Variants in FAM151B observed in about 807,000 individuals in gnomAD.
FAM151B encodes the protein protein FAM151B.
Under a neutral mutation model 31.2 loss-of-function variants are expected in FAM151B, and 24 were observed. That is an observed-to-expected ratio of 0.77 (90% confidence interval 0.56 to 1.08). The LOEUF is 1.08. Among genes scored for constraint, FAM151B ranks in the 50% least tolerant of loss-of-function variants. The pLI is 0.00. For missense variants in FAM151B, 293 were observed against 328.6 expected (o/e 0.89, Z 0.84); for synonymous variants, 105 against 111.4 (o/e 0.94, Z 0.36).
intron 1 of FAM151B, among the ~76,000 whole-genome samples, chr5:80,489,900 A>G (rs973546514): frequency 2.6e-5 from 4 of 152,080 alleles, no homozygotes; most frequent in African/African-American, 4.8e-5. Flanking sequence ...CTCCAGCCTG[A>G]GCAACAGAGA....
At chr5:80,520,514 G>A (rs1014724142) in intron 4 of FAM151B, among the ~76,000 whole-genome samples, 7 of 151,618 alleles carry the variant, frequency 4.6e-5, no homozygotes, top group Non-Finnish European at 5.9e-5. Flanking sequence ...GCATGGTAGT[G>A]TGTGCCTGTA....
At position 80,524,004 on chromosome 5, in the gene FAM151B, T is replaced by C. The variant is rs534409614; in HGVS notation, c.671+1866T>C. Among the ~76,000 whole-genome samples the C allele has an allele frequency of 1.1e-4, 16 of 152,282 alleles. No homozygotes were observed. The East Asian group carries it at 2.9e-3, about 27-fold the overall frequency. On this transcript the variant is annotated intron_variant, in intron 5 of 5. Coordinates refer to ENST00000282226, the MANE Select transcript of FAM151B (RefSeq NM_205548.3). ...CTCTAGGTTTGTTTGTTTTCATTAGTGTCAGGGAAGTGCACTGAAATCAAA... is the reference window on the plus strand; with the variant it reads ...CTCTAGGTTTGTTTGTTTTCATTAGCGTCAGGGAAGTGCACTGAAATCAAA...
chr5:80,520,957 C>T (rs571049056), intron 4 of FAM151B, among the ~76,000 whole-genome samples: 1 of 149,948 alleles, frequency 6.7e-6, no homozygotes, highest in Non-Finnish European at 1.5e-5. Flanking sequence ...GCTGGGATTA[C>T]AGGCGCCACC....
intron 5 of FAM151B, among the ~76,000 whole-genome samples, chr5:80,527,151 A>G (rs1745007477): frequency 6.6e-6 from 1 of 152,184 alleles, no homozygotes; most frequent in South Asian, 2.1e-4. Context: ...ATCCAGGCAC[A>G]GTGGCTCAGG....
chr5:80,504,715 T>C (rs766167520), intron 2 of FAM151B, among the ~76,000 whole-genome samples: 1 of 152,066 alleles, frequency 6.6e-6, no homozygotes, highest in African/African-American at 2.4e-5. Context: ...AGATGGGGTT[T>C]CACCATGTTG....
At chr5:80,497,066 C>T (rs1180653699) in intron 1 of FAM151B, among the ~76,000 whole-genome samples, 1 of 151,914 alleles carries the variant, frequency 6.6e-6, no homozygotes, top group South Asian at 2.1e-4. Flanking sequence ...CCACCTCGAC[C>T]TCCCAAAGTG....
intron 1 of FAM151B, among the ~76,000 whole-genome samples, chr5:80,492,221 G>T (rs1274111216): frequency 6.6e-6 from 1 of 151,736 alleles, no homozygotes; most frequent in East Asian, 1.9e-4. Flanking sequence ...CTTGTATTGA[G>T]CAAGTCTGTT....
intron 5 of FAM151B, among the ~76,000 whole-genome samples, chr5:80,535,667 A>G (rs1255700426): frequency 6.6e-6 from 1 of 152,236 alleles, no homozygotes; most frequent in African/African-American, 2.4e-5. Context: ...ACCCTTGAAG[A>G]CATTGGTCTT....
At chr5:80,512,287 T>A (rs1386688280) in intron 2 of FAM151B, among the ~76,000 whole-genome samples, 1 of 152,244 alleles carries the variant, frequency 6.6e-6, no homozygotes, top group Non-Finnish European at 1.5e-5. Context: ...CATCAAGTTA[T>A]TTCAGATGAC....
chr5:80,528,311 A>C (rs1745063519), intron 5 of FAM151B, among the ~76,000 whole-genome samples: 1 of 152,204 alleles, frequency 6.6e-6, no homozygotes, highest in Non-Finnish European at 1.5e-5. Context: ...GAAGGAAGGC[A>C]AGACCACAAA....
At chr5:80,528,385 A>G (rs982903673) in intron 5 of FAM151B, among the ~76,000 whole-genome samples, 1 of 152,160 alleles carries the variant, frequency 6.6e-6, no homozygotes, top group African/African-American at 2.4e-5. Flanking sequence ...CATTGAATGT[A>G]AGTGACCTAA....
chr5:80,514,960 C>T (rs1209572340), intron 3 of FAM151B, among the ~76,000 whole-genome samples: 1 of 151,710 alleles, frequency 6.6e-6, no homozygotes, highest in African/African-American at 2.4e-5. Context: ...TTTTTTTCGA[C>T]CGGGCACGGT....
Position 80,541,844 on chromosome 5 carries a change from T to G in FAM151B, c.*12T>G, listed in dbSNP as rs759821618. ...AAGTTAATCTCTAAGAAGAAGATTCTCAATTATTTCCTGTGTTTTGGTTTC... is the reference window on the plus strand; with the variant it reads ...AAGTTAATCTCTAAGAAGAAGATTCGCAATTATTTCCTGTGTTTTGGTTTC... On this transcript the variant is annotated 3_prime_UTR_variant, in exon 6 of 6. Transcript: ENST00000282226. 6 of 1,606,624 alleles carry G rather than the reference T, an allele frequency of 3.7e-6. No homozygotes were observed. Among genetic ancestry groups the G allele is most frequent in the Non-Finnish European group, 2.5e-6 (3 of 1,176,968 alleles).
chr5:80,528,307 A>G (rs983212535), intron 5 of FAM151B, among the ~76,000 whole-genome samples: 3 of 152,164 alleles, frequency 2.0e-5, no homozygotes, highest in African/African-American at 7.2e-5. Flanking sequence ...AAAAGAAGGA[A>G]GGCAAGACCA....
At chr5:80,532,699 A>G (rs1745299012) in intron 5 of FAM151B, among the ~76,000 whole-genome samples, 1 of 152,200 alleles carries the variant, frequency 6.6e-6, no homozygotes, top group Non-Finnish European at 1.5e-5. Flanking sequence ...CAAAATACAC[A>G]TTCTTTTTCT....
At chr5:80,524,579 A>G (rs1364992460) in intron 5 of FAM151B, among the ~76,000 whole-genome samples, 1 of 152,148 alleles carries the variant, frequency 6.6e-6, no homozygotes, top group Admixed American at 6.6e-5. Context: ...AAAAAACTAC[A>G]GAACATTATC....
chr5:80,502,119 C>CAAAGAGAAAACAA (rs1743772052), intron 2 of FAM151B, among the ~76,000 whole-genome samples: 1 of 151,718 alleles, frequency 6.6e-6, no homozygotes, highest in Non-Finnish European at 1.5e-5. Flanking sequence ...CTCTGTTGCC[C>CAAAGAGAAAACAA]AGGCTGGAAA....
rs73769115 is a variant in FAM151B at position 80,498,638 on chromosome 5, T to A, written c.26-3154T>A. Reference sequence around the variant, plus strand: ...CTCCAGCACCATCTGAATGGCACTCTCGACAAAGGTGTCTAATTTTGCCAT... The same window carrying A: ...CTCCAGCACCATCTGAATGGCACTCACGACAAAGGTGTCTAATTTTGCCAT... On this transcript the variant is annotated intron_variant, in intron 1 of 5. Coordinates refer to ENST00000282226, the MANE Select transcript of FAM151B (RefSeq NM_205548.3). 1,473 of 732,580 alleles carry A rather than the reference T, an allele frequency of 2.0e-3. 16 individuals carry two copies. In the African/African-American group the frequency reaches 0.024, roughly 12 times the overall value. 45.4% of individuals were successfully genotyped at this position (732,580 alleles called of 1,614,324 possible). A position where few individuals can be genotyped will look rare whatever the true frequency, so the allele number is the denominator to read the frequency against.
At chr5:80,501,050 G>A (rs367548873) in intron 1 of FAM151B, 2 of 469,380 alleles carry the variant, frequency 4.3e-6, no homozygotes, top group East Asian at 4.3e-5. Context: ...GTCTCACTCT[G>A]TCACCCAGGC....
Sources: gnomAD v4.1 joint callset for allele counts (sites outside exome capture counted in the v4.1 genomes callset) on GRCh38, gnomAD v4.1.1 for gene constraint, MANE v1.5 for transcripts, NCBI Gene and HGNC (gene_info 2026-07-23, HGNC 2026-07-21) for gene names.